Variants in NOX4 observed in about 807,000 individuals in gnomAD.
NOX4 encodes kidney oxidase-1.
A neutral mutation model predicts 87.6 loss-of-function variants in NOX4; 69 were observed. The ratio of observed to expected loss-of-function variants is 0.79; its 90% confidence interval spans 0.65 to 0.96. The LOEUF is 0.96. Ranked by LOEUF, NOX4 falls within the 40% of genes least tolerant of loss-of-function variation. The pLI is 0.00. For missense variants in NOX4, 680 were observed against 681.5 expected, an observed-to-expected ratio of 1.00 and a Z score of 0.02; for synonymous variants, 275 against 238.2, an observed-to-expected ratio of 1.15 and a Z score of -1.42.
chr11:89,491,333 C>T lies in NOX4; in HGVS notation c.-87G>A. 2.4e-6 allele frequency: 3 copies of T among 1,243,620 alleles called. No homozygotes were observed. Among genetic ancestry groups the T allele is most frequent in the South Asian group, 2.9e-5 (2 of 68,446 alleles). The allele number at this position is 1,243,620 out of a possible 1,614,324, so 77.0% of individuals were successfully genotyped here. On this transcript the variant is annotated 5_prime_UTR_variant, in exon 1 of 18. Coordinates refer to ENST00000263317, the MANE Select transcript of NOX4 (RefSeq NM_016931.5). ...CGGGGCAGCGGTTACAGTTGTGCGG[C>T]CTGCCGGGCCGCTGAGCGAGGACCG...
At chr11:89,405,899 A>T (rs1291175304) in intron 8 of NOX4, among the ~76,000 whole-genome samples, 2 of 152,062 alleles carry the variant, frequency 1.3e-5, no homozygotes, top group Non-Finnish European at 2.9e-5. Flanking sequence ...CTTCCTCTGT[A>T]CCAGGCCTAT....
chr11:89,453,138 ACAGGCCTATTTC>A (rs1216596590), intron 2 of NOX4, among the ~76,000 whole-genome samples: 1 of 152,166 alleles, frequency 6.6e-6, no homozygotes, highest in Non-Finnish European at 1.5e-5. Context: ...TTGTGCAAAA[ACAGGCCTATTTC>A]CAGGCCTATT....
intron 11 of NOX4, among the ~76,000 whole-genome samples, chr11:89,386,666 C>A (rs1940725286): frequency 6.6e-6 from 1 of 152,048 alleles, no homozygotes; most frequent in African/African-American, 2.4e-5. Context: ...CCTCGACTTA[C>A]TCACTGCTAA....
chr11:89,491,865 G>C (rs141137586), upstream of NOX4, among the ~76,000 whole-genome samples: 2 of 151,836 alleles, frequency 1.3e-5, no homozygotes, highest in Non-Finnish European at 2.9e-5. Flanking sequence ...CCTTTTGTGT[G>C]CTAGTTCACG....
At chr11:89,466,037 A>G (rs1187225059) in intron 2 of NOX4, among the ~76,000 whole-genome samples, 1 of 152,040 alleles carries the variant, frequency 6.6e-6, no homozygotes. Flanking sequence ...TCCTTCTCTC[A>G]CCAGGTTAGG....
At chr11:89,383,501 A>T (rs1005415021) in intron 11 of NOX4, among the ~76,000 whole-genome samples, 1 of 152,100 alleles carries the variant, frequency 6.6e-6, no homozygotes, top group African/African-American at 2.4e-5. Flanking sequence ...ACCATCACAG[A>T]CACTTTGGGT....
chr11:89,573,332 C>G, the NOX4 span, among the ~76,000 whole-genome samples: 1 of 152,080 alleles, frequency 6.6e-6, no homozygotes, highest in African/African-American at 2.4e-5. Flanking sequence ...CTCAGGAGAT[C>G]GAGACCATCC....
At chr11:89,425,206 C>G (rs924270682) in intron 7 of NOX4, among the ~76,000 whole-genome samples, 1 of 151,784 alleles carries the variant, frequency 6.6e-6, no homozygotes, top group Non-Finnish European at 1.5e-5. Context: ...AATAAAATTG[C>G]TCCCCACAAA....
chr11:89,372,182 TCCA>T (rs1209740499), intron 12 of NOX4, among the ~76,000 whole-genome samples: 1 of 151,190 alleles, frequency 6.6e-6, no homozygotes, highest in Non-Finnish European at 1.5e-5. Context: ...TCCCCACCCC[TCCA>T]CTGCCTCCTT....
rs1023649002 is a variant in NOX4 at position 89,488,870 on chromosome 11, T to C, written c.153+1588A>G. The C allele has an allele frequency of 2.0e-4, 126 of 626,832 alleles. No homozygotes were observed. The African/African-American group carries it at 2.2e-3, about 11-fold the overall frequency. The allele number at this position is 626,832 out of a possible 1,614,324, so 38.8% of individuals were successfully genotyped here. On this transcript the variant is annotated intron_variant, in intron 2 of 17. Coordinates refer to ENST00000263317, the MANE Select transcript of NOX4 (RefSeq NM_016931.5). ...TGTGTTTATTAGAAGAAACCTTTTCTTGTTTATTGAATTATAATTATTTAT... is the reference window on the plus strand; with the variant it reads ...TGTGTTTATTAGAAGAAACCTTTTCCTGTTTATTGAATTATAATTATTTAT...
chr11:89,479,476 G>A (rs1318682214), intron 2 of NOX4, among the ~76,000 whole-genome samples: 2 of 151,904 alleles, frequency 1.3e-5, no homozygotes, highest in South Asian at 2.1e-4. Flanking sequence ...TTGTTAAAAT[G>A]CCTCCATTAG....
At chr11:89,568,010 T>G in the NOX4 span, among the ~76,000 whole-genome samples, 1 of 152,188 alleles carries the variant, frequency 6.6e-6, no homozygotes, top group African/African-American at 2.4e-5. Context: ...TACTGGTGCT[T>G]GTGGACTGGG....
chr11:89,447,604 C>T (rs937917356), intron 4 of NOX4, among the ~76,000 whole-genome samples: 25 of 152,144 alleles, frequency 1.6e-4, no homozygotes, highest in African/African-American at 3.9e-4. Flanking sequence ...CAAAGTCAGA[C>T]GACTAGTGAC....
chr11:89,397,282 C>G (rs1223264001), intron 11 of NOX4, among the ~76,000 whole-genome samples: 1 of 152,100 alleles, frequency 6.6e-6, no homozygotes, highest in Non-Finnish European at 1.5e-5. Context: ...AGAACAAAGA[C>G]ACAATATACC....
chr11:89,495,232 C>T (rs1946935999), upstream of NOX4, among the ~76,000 whole-genome samples: 2 of 152,186 alleles, frequency 1.3e-5, no homozygotes, highest in Non-Finnish European at 2.9e-5. Flanking sequence ...CAGACTCAGC[C>T]TCCCAAAGTC....
intron 8 of NOX4, among the ~76,000 whole-genome samples, chr11:89,407,894 T>C (rs186745069): frequency 2.5e-3 from 374 of 152,186 alleles, no homozygotes; most frequent in African/African-American, 8.8e-3. Flanking sequence ...ATGTGACCTT[T>C]ATATTTGTGG....
intron 12 of NOX4, among the ~76,000 whole-genome samples, chr11:89,370,600 G>A (rs895887823): frequency 1.3e-5 from 2 of 152,024 alleles, no homozygotes; most frequent in African/African-American, 4.8e-5. Flanking sequence ...TTCTAGAAGA[G>A]CAATAAGGTA....
chr11:89,572,403 C>T, the NOX4 span, among the ~76,000 whole-genome samples: 1 of 152,190 alleles, frequency 6.6e-6, no homozygotes, highest in African/African-American at 2.4e-5. Context: ...GGTCAAGAAA[C>T]ATTCTGTATG....
intron 13 of NOX4, among the ~76,000 whole-genome samples, chr11:89,351,763 A>G (rs1008346933): frequency 2.0e-4 from 30 of 151,678 alleles, no homozygotes; most frequent in South Asian, 8.4e-4. Flanking sequence ...CCCACCAGAG[A>G]AAAAAAAAGA....
Sources: gnomAD v4.1 joint callset for allele counts (sites outside exome capture counted in the v4.1 genomes callset) on GRCh38, gnomAD v4.1.1 for gene constraint, MANE v1.5 for transcripts, NCBI Gene and HGNC (gene_info 2026-07-23, HGNC 2026-07-21) for gene names.